The following PIK3R5 variants were observed in gnomAD, a reference collection of about 807,000 sequenced individuals.
The protein encoded by PIK3R5 is phosphoinositide 3-kinase regulatory subunit 5.
PIK3R5 carries 32 observed loss-of-function variants against 94.9 expected under a neutral mutation model. The observed-to-expected ratio is 0.34, with a 90% CI of 0.25 to 0.45. The LOEUF (loss-of-function observed/expected upper bound fraction) is 0.45, where lower values mean the gene tolerates loss of function less well. Among genes scored for constraint, PIK3R5 ranks in the 20% least tolerant of loss-of-function variants. The pLI is 1.00. For missense variants in PIK3R5, 853 were observed against 1,144.6 expected, an observed-to-expected ratio of 0.75 and a Z score of 3.68; for synonymous variants, 443 against 479.4, an observed-to-expected ratio of 0.92 and a Z score of 0.99.
Position 8,888,226 on chromosome 17 carries a change from C to T in PIK3R5, c.1561G>A (p.Val521Ile). The T allele has an allele frequency of 1.2e-6, 2 of 1,613,494 alleles. No homozygotes were observed. The highest frequency in any genetic ancestry group is 1.7e-6 in the Non-Finnish European group (2 of 1,179,956). ...CCTGAAATCCGATCGGAGCCAAAGA[C>T]CACAACACGTAGCGTGGAAGCCTTG... ...DPKASTLRVVVFGSDRISGKV... is the reference protein window; with the variant it reads ...DPKASTLRVVIFGSDRISGKV... The change falls in exon 10 of 19, where the codon GTC becomes ATC. Residue 521 changes from valine (V) to isoleucine (I), a missense_variant. Coordinates refer to ENST00000447110, the MANE Select transcript of PIK3R5 (RefSeq NM_001142633.3). The surrounding 1 kb of genome is among the most constrained non-coding windows in gnomAD (Gnocchi z 7.8).
rs755872695 is a variant in PIK3R5, at chr17:8,887,065, GA to G, written c.1905+30del. The G allele has an allele frequency of 1.6e-5, 25 of 1,612,588 alleles. No individual in the cohort carries two copies. The African/African-American group carries it at 3.2e-4, about 21-fold the overall frequency. ...TGAGGCTGGGTGACTGCAGCCAGTG[GA>G]CCCTGTTCCGCAACCACGGGGCCAC... On this transcript the variant is annotated intron_variant, in intron 12 of 18. Transcript: ENST00000447110.
chr17:8,880,684 G>A lies in PIK3R5; in HGVS notation c.2598C>T (p.Ser866=). The A allele has an allele frequency of 6.2e-7, 1 of 1,613,700 alleles. No homozygotes were observed. Among genetic ancestry groups the A allele is most frequent in the Non-Finnish European group, 8.5e-7 (1 of 1,179,836 alleles). ...LPAQAAPDLC[S]LLCLPIMTFS... is the part of the protein sequence containing the mutation. ...AAGTCATGATGGGCAGGCAGAGAAG[G>A]GAGCAGAGATCAGGTGCGGCCTGGG... The change falls in exon 19 of 19, where the codon TCC becomes TCT. Residue 866 remains serine, a synonymous_variant. Transcript: ENST00000447110.
At chr17:8,885,666 G>A (rs1382232941) in intron 14 of PIK3R5, among the ~76,000 whole-genome samples, 1 of 24,104 alleles carries the variant, frequency 4.1e-5, no homozygotes, top group Non-Finnish European at 7.0e-5. Flanking sequence ...CCAGGGCCCC[G>A]CCTCCCCATG....
In PIK3R5 at chr17:8,963,889, T is replaced by C. The variant is rs373984512; in HGVS notation, c.-14+1707A>G. 1.3e-4 allele frequency among the ~76,000 whole-genome samples: 20 copies of C among 152,206 alleles called. No individual in the cohort carries two copies. In the East Asian group the frequency reaches 2.3e-3, roughly 18 times the overall value. On this transcript the variant is annotated intron_variant, in intron 1 of 18. Transcript: ENST00000447110. ...GCCTTCCTGCCCTCACAGTCCTGGT[T>C]TGTGAGGCTTCAAAAAGCAGGGGAG...
intron 1 of PIK3R5, among the ~76,000 whole-genome samples, chr17:8,922,943 C>T (rs992779150): frequency 1.3e-5 from 2 of 152,076 alleles, no homozygotes; most frequent in African/African-American, 4.8e-5. Flanking sequence ...GCCCACTTCC[C>T]CCCATCTTTG....
chr17:8,890,919 A>T lies in PIK3R5; in HGVS notation c.483-7T>A, dbSNP rs746183114. ...GTTCAGCAGCAGCACGGTGCTGGGG[A>T]CACAGGGGACCGGCTATGGCACCCA... On this transcript the variant is annotated splice_region_variant and splice_polypyrimidine_tract_variant and intron_variant, in intron 6 of 18. Coordinates refer to ENST00000447110, the MANE Select transcript of PIK3R5 (RefSeq NM_001142633.3). The surrounding 1 kb of genome is among the most constrained non-coding windows in gnomAD (Gnocchi z 6.1). 5.6e-6 allele frequency: 9 copies of T among 1,612,596 alleles called. No individual in the cohort carries two copies. The East Asian group carries it at 1.8e-4, about 32-fold the overall frequency.
At chr17:8,938,782 C>A (rs1188912015) in intron 1 of PIK3R5, among the ~76,000 whole-genome samples, 3 of 152,196 alleles carry the variant, frequency 2.0e-5, no homozygotes, top group African/African-American at 7.2e-5. Context: ...ACACTTGAAG[C>A]ATTTCAAGTA....
chr17:8,896,298 C>T lies in PIK3R5; in HGVS notation c.413-2643G>A, dbSNP rs1397783505. The stretch of plus-strand genomic sequence containing the variant: ...TCGAGACCACCCTTAACTCCACCCT[C>T]CACTCCCCAAACAGGGAGGCTGCAC... On this transcript the variant is annotated intron_variant, in intron 5 of 18. Coordinates refer to ENST00000447110, the MANE Select transcript of PIK3R5 (RefSeq NM_001142633.3). The surrounding 1 kb of genome is among the most constrained non-coding windows in gnomAD (Gnocchi z 4.0). Among the ~76,000 whole-genome samples, 4 of 152,126 alleles carry T rather than the reference C, an allele frequency of 2.6e-5. No individual in the cohort carries two copies. The East Asian group carries it at 7.7e-4, about 29-fold the overall frequency.
chr17:8,881,595 T>G lies in PIK3R5; in HGVS notation c.2382+35A>C. 3 of 1,452,480 alleles carry G rather than the reference T, an allele frequency of 2.1e-6. No homozygotes were observed. Among genetic ancestry groups the G allele is most frequent in the Non-Finnish European group, 1.9e-6 (2 of 1,040,760 alleles). 90.0% of individuals were successfully genotyped at this position (1,452,480 alleles called of 1,614,324 possible). A position where few individuals can be genotyped will look rare whatever the true frequency, so the allele number is the denominator to read the frequency against. On this transcript the variant is annotated intron_variant, in intron 17 of 18. Coordinates refer to ENST00000447110, the MANE Select transcript of PIK3R5 (RefSeq NM_001142633.3). The surrounding 1 kb of genome is among the most constrained non-coding windows in gnomAD (Gnocchi z 4.8). Reference sequence around the variant, plus strand: ...CACATGCACGCTCCAGTAAGTCTCTTGAGGGTATGGCTGGAAGGAGAGGGA... The same window carrying G: ...CACATGCACGCTCCAGTAAGTCTCTGGAGGGTATGGCTGGAAGGAGAGGGA...
chr17:8,908,674 T>C (rs2090451896), intron 3 of PIK3R5, among the ~76,000 whole-genome samples: 1 of 152,094 alleles, frequency 6.6e-6, no homozygotes, highest in African/African-American at 2.4e-5. Context: ...CCATTCCTCT[T>C]CTTTGTCATG....
chr17:8,959,357 T>C (rs1157739538), intron 1 of PIK3R5, among the ~76,000 whole-genome samples: 1 of 152,192 alleles, frequency 6.6e-6, no homozygotes, highest in Non-Finnish European at 1.5e-5. Flanking sequence ...CTGGGTCCCT[T>C]GGTGAACTGC....
rs1276660618 is a variant in PIK3R5 at position 8,888,721 on chromosome 17, C to A, written c.1066G>T (p.Asp356Tyr). The A allele has an allele frequency of 3.1e-6, 5 of 1,613,822 alleles. No individual in the cohort carries two copies. The South Asian group carries it at 4.4e-5, about 14-fold the overall frequency. ...LLSTSSLASHDSTLSLASSQA... is the reference protein window; with the variant it reads ...LLSTSSLASHYSTLSLASSQA... ...GAGGATGCAAGGGACAAGGTGGAGTCATGGGACGCCAAAGAGCTGGTGGAG... is the reference window on the plus strand; with the variant it reads ...GAGGATGCAAGGGACAAGGTGGAGTAATGGGACGCCAAAGAGCTGGTGGAG... The change falls in exon 10 of 19, where the codon GAC (aspartate) becomes TAC (tyrosine). Residue 356 changes from aspartate (D) to tyrosine (Y), a missense_variant. Transcript: ENST00000447110. The surrounding 1 kb of genome is among the most constrained non-coding windows in gnomAD (Gnocchi z 7.8).
intron 1 of PIK3R5, among the ~76,000 whole-genome samples, chr17:8,946,792 CTCT>C (rs1208158452): frequency 6.6e-6 from 1 of 152,052 alleles, no homozygotes; most frequent in Non-Finnish European, 1.5e-5. Flanking sequence ...TGCCTGAGTG[CTCT>C]TCTTCTAGGT....
intron 1 of PIK3R5, among the ~76,000 whole-genome samples, chr17:8,922,501 T>A (rs1009250878): frequency 6.6e-6 from 1 of 152,212 alleles, no homozygotes; most frequent in African/African-American, 2.4e-5. Context: ...AAAGTTGGCG[T>A]GACTCTCAAA....
Position 8,884,618 on chromosome 17 carries a change from C to A in PIK3R5, c.2205+89G>T, listed in dbSNP as rs2089765498. On this transcript the variant is annotated intron_variant, in intron 15 of 18. Coordinates refer to ENST00000447110, the MANE Select transcript of PIK3R5 (RefSeq NM_001142633.3). The surrounding 1 kb of genome is among the most constrained non-coding windows in gnomAD (Gnocchi z 5.8). The stretch of plus-strand genomic sequence containing the variant: ...CAGCGTAAAGACTGGGGCCCAGGAA[C>A]ACACGAGTCCAGCTCTGGGTCCAAG... The A allele has an allele frequency of 6.9e-6, 7 of 1,017,528 alleles. No individual in the cohort carries two copies. In the South Asian group the frequency reaches 8.2e-5, roughly 12 times the overall value. The allele number at this position is 1,017,528 out of a possible 1,614,324, so 63.0% of individuals were successfully genotyped here.
intron 1 of PIK3R5, among the ~76,000 whole-genome samples, chr17:8,931,851 G>A (rs2090992365): frequency 6.6e-6 from 1 of 152,176 alleles, no homozygotes; most frequent in South Asian, 2.1e-4. Context: ...ATTCATCTGA[G>A]ATCCTAGGAA....
At chr17:8,913,417 T>C (rs893866656) in intron 1 of PIK3R5, among the ~76,000 whole-genome samples, 1 of 152,172 alleles carries the variant, frequency 6.6e-6, no homozygotes, top group Non-Finnish European at 1.5e-5. Flanking sequence ...AGAAAACTTT[T>C]CACGGGTGGC....
rs111352437 is a variant in PIK3R5, at chr17:8,915,409, G to A, written c.-13-3902C>T. 4.1e-3 allele frequency among the ~76,000 whole-genome samples: 585 copies of A among 141,454 alleles called. 2 individuals carry two copies. Among genetic ancestry groups the A allele is most frequent in the African/African-American group, 0.016 (567 of 36,514 alleles). 92.8% of individuals were successfully genotyped at this position (141,454 alleles called of 152,430 possible). On this transcript the variant is annotated intron_variant, in intron 1 of 18. Transcript: ENST00000447110. Reference sequence around the variant, plus strand: ...AGCCTGGGTGACAGAGCAAGACTCTGTCTCAAAAAAAAAAAAAAAAGAAAA... The same window carrying A: ...AGCCTGGGTGACAGAGCAAGACTCTATCTCAAAAAAAAAAAAAAAAGAAAA...
At chr17:8,917,074 C>G (rs1020743971) in intron 1 of PIK3R5, among the ~76,000 whole-genome samples, 3 of 152,126 alleles carry the variant, frequency 2.0e-5, no homozygotes, top group Non-Finnish European at 4.4e-5. Context: ...CTTCCTCATG[C>G]CTTCATAAGG....
Sources: gnomAD v4.1 joint callset for allele counts (sites outside exome capture counted in the v4.1 genomes callset) on GRCh38, gnomAD v4.1.1 for gene constraint, Gnocchi (gnomAD v3.1) non-coding constraint, MANE v1.5 for transcripts, NCBI Gene and HGNC (gene_info 2026-07-23, HGNC 2026-07-21) for gene names.